The following CTBP1 variants were observed in gnomAD, a reference collection of about 807,000 sequenced individuals.
CTBP1 encodes C-terminal binding protein 1, also known as C-terminal-binding protein 1.
A neutral mutation model predicts 42.1 loss-of-function variants in CTBP1; 11 were observed. The ratio of observed to expected loss-of-function variants is 0.26; its 90% confidence interval spans 0.16 to 0.43. The LOEUF (loss-of-function observed/expected upper bound fraction) is 0.43. Ranked by LOEUF, CTBP1 falls within the 20% of genes least tolerant of loss-of-function variation. The pLI is 1.00. For synonymous variants in CTBP1, 324 were observed against 277.1 expected (o/e 1.17, Z -1.68); for missense variants, 399 against 624.3 (o/e 0.64, Z 3.85).
At chr4:1,224,141 G>A (rs1191638622) in intron 5 of CTBP1, among the ~76,000 whole-genome samples, 2 of 152,370 alleles carry the variant, frequency 1.3e-5, no homozygotes, top group South Asian at 2.1e-4. Flanking sequence ...GTTGATGTGC[G>A]TGCCCACACA....
chr4:1,213,689 T>C, intron 7 of CTBP1, 84 bp from the exon 8 acceptor site: 3 of 1,515,942 alleles, frequency 2.0e-6, no homozygotes, highest in South Asian at 1.2e-5. Context: ...TGGAACCCCC[T>C]GTGGGGGGCC....
chr4:1,213,412 G>C (rs1728751397), intron 8 of CTBP1, 66 bp downstream of exon 8: 1 of 1,594,154 alleles, frequency 6.3e-7, no homozygotes, highest in East Asian at 2.2e-5. Flanking sequence ...GCGGATGCGA[G>C]CCCATGAGCA....
intron 1 of CTBP1, chr4:1,244,739 C>G (rs1414799151): frequency 7.1e-6 from 7 of 985,308 alleles, no homozygotes; most frequent in Non-Finnish European, 8.4e-6. Context: ...ACTCCGGGCT[C>G]GAGTGGCCCT....
At chr4:1,241,253 TG>T (rs1263977873) in intron 2 of CTBP1, 71 bp downstream of exon 2, 1 of 782,162 alleles carries the variant, frequency 1.3e-6, no homozygotes, top group Non-Finnish European at 2.4e-6. Context: ...TCCGAGGCAG[TG>T]CCTCCTCCAC....
At chr4:1,226,123 G>C (rs1241397883) in intron 4 of CTBP1, among the ~76,000 whole-genome samples, 1 of 152,058 alleles carries the variant, frequency 6.6e-6, no homozygotes, top group Non-Finnish European at 1.5e-5. Flanking sequence ...TGGAAAGCAA[G>C]TCCATCCCAT....
chr4:1,244,812 C>A, intron 1 of CTBP1: 1 of 985,436 alleles, frequency 1.0e-6, no homozygotes, highest in Non-Finnish European at 1.2e-6. Flanking sequence ...TGAGATGCCC[C>A]CTCTGGCTGT....
rs527257655 is a variant in CTBP1 at position 1,241,403 on chromosome 4, G to A, written c.-72C>T. The A allele has an allele frequency of 3.1e-6, 4 of 1,283,402 alleles. No individual in the cohort carries two copies. The highest frequency in any genetic ancestry group is 2.4e-5 in the South Asian group (2 of 84,576). The allele number at this position is 1,283,402 out of a possible 1,614,324, so 79.5% of individuals were successfully genotyped here. ...AAGCTTTTTATCTTCAGGATCCCCAGGCAGAACCGCGTCCTGTCTCGGAGC... is the reference window on the plus strand; with the variant it reads ...AAGCTTTTTATCTTCAGGATCCCCAAGCAGAACCGCGTCCTGTCTCGGAGC... On this transcript the variant is annotated 5_prime_UTR_variant, in exon 2 of 10. Transcript: ENST00000382952.
intron 7 of CTBP1, 71 bp from the exon 8 acceptor site, chr4:1,213,676 C>T (rs1485163321): frequency 1.3e-6 from 2 of 1,537,284 alleles, no homozygotes; most frequent in Middle Eastern, 4.1e-4. Context: ...GGTGGCTGGG[C>T]ACTGGAACCC....
At chr4:1,216,343 G>A in intron 5 of CTBP1, 138 bp from the exon 6 acceptor site, 1 of 866,648 alleles carries the variant, frequency 1.2e-6, no homozygotes, top group Non-Finnish European at 1.8e-6. Context: ...GTCAAGCCAA[G>A]GTGCCCACGC....
intron 3 of CTBP1, chr4:1,237,595 A>C: frequency 3.0e-6 from 2 of 675,526 alleles, no homozygotes; most frequent in South Asian, 3.1e-5. Flanking sequence ...GATGGGGCTC[A>C]GGGAAAACCC....
chr4:1,226,727 C>T (rs1223158340), intron 4 of CTBP1, among the ~76,000 whole-genome samples: 1 of 151,746 alleles, frequency 6.6e-6, no homozygotes, highest in Non-Finnish European at 1.5e-5. Context: ...ACACCACACA[C>T]CCAGGCCTGC....
rs1732266874 is a variant in CTBP1, at chr4:1,242,370, G to A, written c.-188-851C>T. On this transcript the variant is annotated intron_variant, in intron 1 of 9. Coordinates refer to ENST00000382952, the MANE Select transcript of CTBP1 (RefSeq NM_001012614.2). ...TGACATCAGGCTGACCAGGACAGGA[G>A]CCGGCCACCACCAGCCCAGCAGCAT... is the stretch of plus-strand genomic sequence containing the variant. 5.1e-6 allele frequency: 5 copies of A among 985,284 alleles called. No individual in the cohort carries two copies. In the South Asian group the frequency reaches 2.3e-4, roughly 46 times the overall value. 61.0% of individuals were successfully genotyped at this position (985,284 alleles called of 1,614,324 possible). A position where few individuals can be genotyped will look rare whatever the true frequency, so the allele number is the denominator to read the frequency against.
chr4:1,245,162 G>A, intron 1 of CTBP1: 1 of 985,448 alleles, frequency 1.0e-6, no homozygotes, highest in Non-Finnish European at 1.2e-6. Flanking sequence ...ACGGCACCTT[G>A]GACGGCAGCA....
intron 3 of CTBP1, among the ~76,000 whole-genome samples, chr4:1,228,866 GACGCC>G (rs771965026): frequency 4.0e-4 from 61 of 152,352 alleles, no homozygotes; most frequent in Non-Finnish European, 7.8e-4. Context: ...GAGGCAGGCA[GACGCC>G]ACCCAGCCGT....
At chr4:1,246,785 C>A (rs1047083756) in intron 1 of CTBP1, among the ~76,000 whole-genome samples, 3 of 152,220 alleles carry the variant, frequency 2.0e-5, no homozygotes, top group African/African-American at 7.2e-5. Context: ...CTGGGCCTCT[C>A]GAGCCTGGGG....
At chr4:1,243,111 C>T in intron 1 of CTBP1, 1 of 985,450 alleles carries the variant, frequency 1.0e-6, no homozygotes, top group Non-Finnish European at 1.2e-6. Flanking sequence ...TGGCCCAGTA[C>T]CGGCTGCTGC....
In CTBP1 at chr4:1,221,590, G is replaced by C; in HGVS notation, c.514+3770C>G. ...AACTGCTGGGTCGTATGAAAACACA[G>C]GTGAGACCCAGAGGCATCACCCCGA... On this transcript the variant is annotated intron_variant, in intron 5 of 9. Transcript: ENST00000382952. 3 of 203,044 alleles carry C rather than the reference G, an allele frequency of 1.5e-5. No homozygotes were observed. In the South Asian group the frequency reaches 1.6e-4, roughly 11 times the overall value. The allele number at this position is 203,044 out of a possible 1,614,324, so 12.6% of individuals were successfully genotyped here. A position where few individuals can be genotyped will look rare whatever the true frequency, so the allele number is the denominator to read the frequency against.
intron 4 of CTBP1, among the ~76,000 whole-genome samples, chr4:1,225,834 G>A (rs1327954184): frequency 6.6e-6 from 1 of 152,198 alleles, no homozygotes; most frequent in African/African-American, 2.4e-5. Flanking sequence ...GCTGGGGTGT[G>A]AGACGCTGCC....
intron 1 of CTBP1, chr4:1,244,317 GC>G: frequency 3.1e-6 from 3 of 981,042 alleles, no homozygotes; most frequent in Non-Finnish European, 3.6e-6. Flanking sequence ...GCTGGGACCT[GC>G]CCCGATCCAG....
Sources: gnomAD v4.1 joint callset for allele counts (sites outside exome capture counted in the v4.1 genomes callset) on GRCh38, gnomAD v4.1.1 for gene constraint, MANE v1.5 for transcripts, NCBI Gene and HGNC (gene_info 2026-07-23, HGNC 2026-07-21) for gene names.